The following ARHGEF4 variants were observed in gnomAD, a reference collection of about 807,000 sequenced individuals.
The protein encoded by ARHGEF4 is Rho guanine nucleotide exchange factor 4.
ARHGEF4 carries 119 observed loss-of-function variants against 162.0 expected under a neutral mutation model. The ratio of observed to expected loss-of-function variants is 0.73; its 90% CI spans 0.63 to 0.86. The LOEUF is 0.86. Ranked by LOEUF, ARHGEF4 falls within the 40% of genes least tolerant of loss-of-function variation. The pLI, the probability that ARHGEF4 is intolerant of heterozygous loss-of-function variation, is 0.00. For synonymous variants in ARHGEF4, 1,014 were observed against 979.9 expected (o/e 1.03, Z -0.65); for missense variants, 2,488 against 2,456.0 (o/e 1.01, Z -0.28).
chr2:130,876,455 G>A (rs272143), intron 1 of ARHGEF4, among the ~76,000 whole-genome samples: 15,194 of 152,052 alleles, frequency 0.1, 927 homozygotes, highest in South Asian at 0.2. Flanking sequence ...GCAGTGGCGC[G>A]ATCTCGGCTC....
intron 1 of ARHGEF4, among the ~76,000 whole-genome samples, chr2:130,851,567 T>C (rs527911729): frequency 1.3e-5 from 2 of 152,264 alleles, no homozygotes; most frequent in East Asian, 1.9e-4. Context: ...ATGGTCTCTA[T>C]CCGAGAGGGT....
At chr2:131,045,978 C>T (rs1573721893) in intron 13 of ARHGEF4, 60 bp from the exon 14 acceptor site, 10 of 1,562,650 alleles carry the variant, frequency 6.4e-6, no homozygotes, top group Admixed American at 1.8e-5. Context: ...CTGTCCCCAA[C>T]AGCTGGGGTG....
chr2:130,867,189 C>T (rs557747161), intron 1 of ARHGEF4, among the ~76,000 whole-genome samples: 15 of 151,854 alleles, frequency 9.9e-5, no homozygotes, highest in Middle Eastern at 3.4e-3. Context: ...TGCTATCTTC[C>T]AAAAGTCCAT....
In ARHGEF4 at chr2:130,896,156, A is replaced by G. The variant is rs180696206; in HGVS notation, c.40-17830A>G. On this transcript the variant is annotated intron_variant, in intron 1 of 13. Coordinates refer to ENST00000409359, the MANE Select transcript of ARHGEF4 (RefSeq NM_001367493.1). The stretch of plus-strand genomic sequence containing the variant: ...ATTAAATTGCCAGGTCTTGATTTTT[A>G]TATAGTCTTTTTGATTTTTTAATCT... 5.3e-5 allele frequency among the ~76,000 whole-genome samples: 8 copies of G among 152,184 alleles called. No homozygotes were observed. In the East Asian group the frequency reaches 1.5e-3, roughly 29 times the overall value.
At chr2:130,934,190 A>T (rs1052465086) in intron 3 of ARHGEF4, among the ~76,000 whole-genome samples, 4 of 152,232 alleles carry the variant, frequency 2.6e-5, no homozygotes, top group Admixed American at 6.5e-5. Context: ...CAACTGAGAT[A>T]ATCATGCATG....
chr2:130,939,838 C>T (rs1683184233), intron 3 of ARHGEF4, among the ~76,000 whole-genome samples: 1 of 152,008 alleles, frequency 6.6e-6, no homozygotes, highest in African/African-American at 2.4e-5. Flanking sequence ...TTTAATTTTC[C>T]TAGGAACTAT....
At chr2:131,036,725 A>C (rs1213833519) in intron 5 of ARHGEF4, among the ~76,000 whole-genome samples, 1 of 152,138 alleles carries the variant, frequency 6.6e-6, no homozygotes, top group Non-Finnish European at 1.5e-5. Flanking sequence ...TCAGGCAGGA[A>C]CCTCCTGAGA....
intron 4 of ARHGEF4, among the ~76,000 whole-genome samples, chr2:130,999,833 G>C (rs1687654703): frequency 6.6e-6 from 1 of 152,186 alleles, no homozygotes. Context: ...CTCCTGAGTA[G>C]CTGGGACCAC....
chr2:130,837,732 G>A (rs1309933243), intron 1 of ARHGEF4: 2 of 388,506 alleles, frequency 5.1e-6, no homozygotes, highest in Non-Finnish European at 1.0e-5. Context: ...TTGCGACGCT[G>A]GGTGGTGCTG....
intron 4 of ARHGEF4, among the ~76,000 whole-genome samples, chr2:131,002,593 C>G (rs1230479736): frequency 6.6e-6 from 1 of 151,806 alleles, no homozygotes; most frequent in Non-Finnish European, 1.5e-5. Context: ...ACCTGTAGTC[C>G]TAGCTACTTC....
intron 4 of ARHGEF4, among the ~76,000 whole-genome samples, chr2:130,952,228 G>C (rs1007799318): frequency 9.2e-5 from 14 of 152,002 alleles, no homozygotes; most frequent in Admixed American, 3.3e-4. Flanking sequence ...AATTTTCTCA[G>C]TTTTGTTTAT....
At chr2:130,894,982 G>A (rs546975586) in intron 1 of ARHGEF4, among the ~76,000 whole-genome samples, 17 of 152,220 alleles carry the variant, frequency 1.1e-4, no homozygotes, top group African/African-American at 3.6e-4. Flanking sequence ...ACTTTGAACT[G>A]AACAGTTTGA....
At chr2:130,887,731 T>C (rs919235866) in intron 1 of ARHGEF4, among the ~76,000 whole-genome samples, 1 of 152,148 alleles carries the variant, frequency 6.6e-6, no homozygotes, top group African/African-American at 2.4e-5. Flanking sequence ...AGCAGTAGCT[T>C]TCCTCCAAGT....
chr2:130,931,077 C>G lies in ARHGEF4; in HGVS notation c.3678C>G (p.Leu1226=). ...CTGACATGGTGACATGGGCCCTCCT[C>G]TGCATCTCTGCAGAGACTGTGCGTG... The part of the protein sequence containing the change: ...FTTDMVTWAL[L]CISAETVRGE... The change falls in exon 3 of 14, where the codon CTC becomes CTG. Residue 1226 remains leucine, a synonymous_variant. Transcript: ENST00000409359. 1 of 1,614,196 alleles carries G rather than the reference C, an allele frequency of 6.2e-7. No individual in the cohort carries two copies. The highest frequency in any genetic ancestry group is 8.5e-7 in the Non-Finnish European group (1 of 1,180,026).
intron 4 of ARHGEF4, among the ~76,000 whole-genome samples, chr2:131,008,060 G>A (rs1019572545): frequency 4.6e-5 from 7 of 151,898 alleles, no homozygotes; most frequent in African/African-American, 1.7e-4. Flanking sequence ...TAATCCACCA[G>A]CCTCAGGCTC....
intron 4 of ARHGEF4, among the ~76,000 whole-genome samples, chr2:131,019,845 AG>A (rs1376917812): frequency 6.6e-6 from 1 of 152,138 alleles, no homozygotes; most frequent in East Asian, 1.9e-4. Flanking sequence ...TGTGTTAGCC[AG>A]GATGGTCTCG....
At chr2:130,931,500 C>T (rs1461687748) in intron 3 of ARHGEF4, among the ~76,000 whole-genome samples, 1 of 152,226 alleles carries the variant, frequency 6.6e-6, no homozygotes, top group African/African-American at 2.4e-5. Context: ...TCTTCCTTCT[C>T]TGTAGTATGT....
At chr2:130,994,665 G>A (rs746803697) in intron 4 of ARHGEF4, among the ~76,000 whole-genome samples, 14 of 152,006 alleles carry the variant, frequency 9.2e-5, no homozygotes, top group Non-Finnish European at 1.9e-4. Flanking sequence ...CCTTCCTGTC[G>A]GGGATCCTTC....
intron 1 of ARHGEF4, among the ~76,000 whole-genome samples, chr2:130,849,308 C>T (rs1304246436): frequency 2.0e-5 from 3 of 152,336 alleles, no homozygotes; most frequent in Admixed American, 1.3e-4. Context: ...GAGATGCAGG[C>T]AGGGCTGGGG....
Sources: gnomAD v4.1 joint callset for allele counts (sites outside exome capture counted in the v4.1 genomes callset) on GRCh38, gnomAD v4.1.1 for gene constraint, MANE v1.5 for transcripts, NCBI Gene and HGNC (gene_info 2026-07-23, HGNC 2026-07-21) for gene names.